Variants in MPHOSPH9 observed in about 807,000 individuals in gnomAD.
MPHOSPH9 encodes the protein M-phase phosphoprotein 9.
Under a neutral mutation model 145.5 loss-of-function variants are expected in MPHOSPH9, and 88 were observed. The observed-to-expected ratio is 0.60, with a 90% CI of 0.51 to 0.72. MPHOSPH9 has a LOEUF of 0.72. Ranked by LOEUF, MPHOSPH9 falls within the 30% of genes least tolerant of loss-of-function variation. The probability of loss-of-function intolerance (pLI) is 0.00; values close to 1 mark genes in which losing one functional copy is unlikely to be tolerated. For synonymous variants in MPHOSPH9, 435 were observed against 486.2 expected (o/e 0.89, Z 1.39); for missense variants, 1,238 against 1,386.6 (o/e 0.89, Z 1.70).
chr12:123,210,431 G>A (rs1268863995), intron 7 of MPHOSPH9, among the ~76,000 whole-genome samples: 2 of 152,052 alleles, frequency 1.3e-5, no homozygotes, highest in Non-Finnish European at 2.9e-5. Context: ...GGTAGCTCAC[G>A]CCTGTAATCC....
At chr12:123,224,641 G>A (rs141353637) in intron 3 of MPHOSPH9, among the ~76,000 whole-genome samples, 441 of 152,278 alleles carry the variant, frequency 2.9e-3, no homozygotes, top group Non-Finnish European at 4.8e-3. Context: ...TGACAAAGCT[G>A]GGGGGACATC....
chr12:123,221,106 C>T (rs550790442), intron 5 of MPHOSPH9, among the ~76,000 whole-genome samples: 40 of 152,314 alleles, frequency 2.6e-4, no homozygotes, highest in Middle Eastern at 3.4e-3. Context: ...GACAAACTTC[C>T]ACTATTGATA....
chr12:123,198,121 G>A lies in MPHOSPH9; in HGVS notation c.2025+126C>T, dbSNP rs1375375459. The A allele has an allele frequency of 8.8e-6, 6 of 683,006 alleles. No homozygotes were observed. In the South Asian group the frequency reaches 9.9e-5, roughly 11 times the overall value. The allele number at this position is 683,006 out of a possible 1,614,324, so 42.3% of individuals were successfully genotyped here. On this transcript the variant is annotated intron_variant, in intron 12 of 23. Transcript: ENST00000606320. ...AAGGGTAAAGTTTATAGCATTATATGAAGCCAACAGCACTAAAAATATAAA... is the reference window on the plus strand; with the variant it reads ...AAGGGTAAAGTTTATAGCATTATATAAAGCCAACAGCACTAAAAATATAAA...
rs374583306 is a variant in MPHOSPH9, at chr12:123,194,497, G to T, written c.2130C>A (p.Ile710=). The T allele has an allele frequency of 6.2e-7, 1 of 1,612,086 alleles. No homozygotes were observed. The highest frequency in any genetic ancestry group is 8.5e-7 in the Non-Finnish European group (1 of 1,179,268). ...RTSSKEKDNT[I]IRLKSRLQDL... ...CTTGCAGTCTAGATTTTAGTCGAAT[G>T]ATGGTATTGTCTTTTTCTTTACTGC... Residue 710 remains isoleucine (I), a synonymous_variant, in exon 13 of 24, where the codon ATC becomes ATA. Coordinates refer to ENST00000606320, the MANE Select transcript of MPHOSPH9 (RefSeq NM_022782.4).
intron 16 of MPHOSPH9, among the ~76,000 whole-genome samples, chr12:123,173,844 C>T (rs2044702998): frequency 6.6e-6 from 1 of 152,186 alleles, no homozygotes; most frequent in Non-Finnish European, 1.5e-5. Flanking sequence ...AAACATGATT[C>T]TCTGAGTTCT....
intron 19 of MPHOSPH9, 156 bp from the exon 20 acceptor site, chr12:123,163,290 T>G (rs1418038966): frequency 1.0e-5 from 8 of 775,388 alleles, no homozygotes. Context: ...ATAAAATCAC[T>G]CATAATCCTA....
intron 7 of MPHOSPH9, among the ~76,000 whole-genome samples, chr12:123,214,474 C>T (rs1314049262): frequency 6.6e-6 from 1 of 152,156 alleles, no homozygotes; most frequent in Non-Finnish European, 1.5e-5. Flanking sequence ...GAGGCTGAGG[C>T]TGCAGTGAGC....
At chr12:123,200,299 G>C (rs990988849) in intron 11 of MPHOSPH9, among the ~76,000 whole-genome samples, 1 of 149,928 alleles carries the variant, frequency 6.7e-6, no homozygotes, top group African/African-American at 2.4e-5. Flanking sequence ...CTGTAACACA[G>C]CTTTTTTTTT....
intron 15 of MPHOSPH9, among the ~76,000 whole-genome samples, chr12:123,178,662 T>G (rs1395565061): frequency 6.6e-6 from 1 of 152,152 alleles, no homozygotes; most frequent in Non-Finnish European, 1.5e-5. Flanking sequence ...TAGCAGGGAT[T>G]ACAGGTGTGC....
intron 13 of MPHOSPH9, 124 bp from the exon 14 acceptor site, chr12:123,181,334 C>T (rs2045132325): frequency 2.0e-5 from 14 of 695,584 alleles, no homozygotes; most frequent in Non-Finnish European, 3.2e-5. Flanking sequence ...AGAGAAAGGT[C>T]AATAGAGAAC....
At chr12:123,188,575 C>T (rs2045549354) in intron 13 of MPHOSPH9, among the ~76,000 whole-genome samples, 1 of 152,118 alleles carries the variant, frequency 6.6e-6, no homozygotes, top group South Asian at 2.1e-4. Flanking sequence ...AGGCCAGGCA[C>T]GGTGGCTCAC....
chr12:123,227,543 T>C lies in MPHOSPH9; in HGVS notation c.178A>G (p.Thr60Ala). 1 of 1,533,184 alleles carries C rather than the reference T, an allele frequency of 6.5e-7. No homozygotes were observed. The allele number at this position is 1,533,184 out of a possible 1,614,324, so 95.0% of individuals were successfully genotyped here. The change falls in exon 3 of 24, where the codon ACA becomes GCA. Residue 60 changes from threonine to alanine, a missense_variant. By Grantham distance (58) the Thr-to-Ala change is moderately conservative. This residue lies in a region of MPHOSPH9 where 837 missense variants were observed against 897.5 expected (regional missense o/e 0.93). Transcript: ENST00000606320. ...GKTRPSVIQGTVEVLTSLMQE... is the reference protein window; with the variant it reads ...GKTRPSVIQGAVEVLTSLMQE... ...ATTAAAGAAGTTAGGACTTCAACTG[T>C]ACCTTGAATTACAGATGGTCTGGTC...
intron 2 of MPHOSPH9, among the ~76,000 whole-genome samples, chr12:123,229,460 A>T (rs2047554477): frequency 6.6e-6 from 1 of 152,264 alleles, no homozygotes; most frequent in Non-Finnish European, 1.5e-5. Flanking sequence ...AATAAAATGC[A>T]TAAAACACAC....
intron 4 of MPHOSPH9, among the ~76,000 whole-genome samples, chr12:123,222,681 A>G (rs2138610230): frequency 6.6e-6 from 1 of 152,086 alleles, no homozygotes; most frequent in East Asian, 1.9e-4. Flanking sequence ...AATAAAAGTA[A>G]AAAAGGGCTG....
intron 2 of MPHOSPH9, 144 bp from the exon 3 acceptor site, chr12:123,227,760 A>G: frequency 1.5e-6 from 1 of 684,240 alleles, no homozygotes. Flanking sequence ...AAATCTGATC[A>G]CAAGTTGCTC....
At chr12:123,165,015 C>CAA (rs35219995) in intron 18 of MPHOSPH9, among the ~76,000 whole-genome samples, 937 of 82,330 alleles carry the variant, frequency 0.011, 19 homozygotes, top group East Asian at 0.024. Context: ...CTCACTGTCT[C>CAA]AAAAAAAAAA....
chr12:123,209,229 A>G (rs1593196608), intron 8 of MPHOSPH9, among the ~76,000 whole-genome samples: 1 of 152,012 alleles, frequency 6.6e-6, no homozygotes. Context: ...CACAGCACCC[A>G]GCCTTTAATT....
At chr12:123,192,653 A>C (rs1005775221) in intron 13 of MPHOSPH9, among the ~76,000 whole-genome samples, 9 of 150,138 alleles carry the variant, frequency 6.0e-5, no homozygotes, top group South Asian at 2.1e-4. Context: ...AAAAAAAAAA[A>C]AAAACAGAGA....
intron 18 of MPHOSPH9, among the ~76,000 whole-genome samples, chr12:123,165,071 G>A (rs955748684): frequency 1.3e-5 from 2 of 149,390 alleles, no homozygotes; most frequent in Non-Finnish European, 3.0e-5. Flanking sequence ...TAATCGGAAT[G>A]TAAGATTCAA....
Sources: allele counts gnomAD v4.1 joint callset (sites outside exome capture counted in the v4.1 genomes callset), GRCh38; gene constraint gnomAD v4.1.1; regional missense constraint gnomAD v4.1.1; transcripts MANE v1.5; gene names NCBI Gene and HGNC (gene_info 2026-07-23, HGNC 2026-07-21).